Variants in CFAP221 observed in about 807,000 individuals in gnomAD.
CFAP221 encodes cilia- and flagella-associated protein 221.
In CFAP221, 97 loss-of-function variants were observed where a neutral mutation model predicts 113.1. That is an observed-to-expected ratio of 0.86 (90% CI 0.73 to 1.02). The LOEUF (loss-of-function observed/expected upper bound fraction) is 1.02. Ranked by LOEUF, CFAP221 falls within the 50% of genes least tolerant of loss-of-function variation. CFAP221 has a pLI of 0.00. For synonymous variants in CFAP221, 331 were observed against 354.4 expected (o/e 0.93, Z 0.74); for missense variants, 1,025 against 1,013.4 (o/e 1.01, Z -0.16).
chr2:119,616,931 C>T (rs1685569860), intron 14 of CFAP221, among the ~76,000 whole-genome samples: 1 of 152,242 alleles, frequency 6.6e-6, no homozygotes, highest in South Asian at 2.1e-4. Flanking sequence ...CAGGGCCACA[C>T]TTGAAGCCAG....
chr2:119,657,160 G>T (rs1317644752), downstream of CFAP221, among the ~76,000 whole-genome samples: 1 of 152,040 alleles, frequency 6.6e-6, no homozygotes, highest in Non-Finnish European at 1.5e-5. Flanking sequence ...ATGACATTTG[G>T]GTTGTGTTAT....
intron 13 of CFAP221, among the ~76,000 whole-genome samples, chr2:119,615,165 A>G (rs1685439622): frequency 6.6e-6 from 1 of 152,194 alleles, no homozygotes; most frequent in Non-Finnish European, 1.5e-5. Flanking sequence ...TTACTAACTT[A>G]GATACACTGG....
intron 11 of CFAP221, among the ~76,000 whole-genome samples, chr2:119,605,614 C>T (rs1684686618): frequency 6.6e-6 from 1 of 152,194 alleles, no homozygotes; most frequent in South Asian, 2.1e-4. Context: ...TCATCCTCCA[C>T]CTCACCAGGA....
intron 7 of CFAP221, 35 bp from the exon 8 acceptor site, chr2:119,601,183 G>A (rs1684340020): frequency 2.0e-6 from 3 of 1,484,510 alleles, no homozygotes; most frequent in African/African-American, 1.4e-5. Flanking sequence ...GGCAAGAAGA[G>A]AGGGTATCAC....
Position 119,630,627 on chromosome 2 carries a change from A to G in CFAP221, c.1789A>G (p.Thr597Ala). 3 of 1,614,096 alleles carry G rather than the reference A, an allele frequency of 1.9e-6. No homozygotes were observed. The highest frequency in any genetic ancestry group is 1.1e-5 in the South Asian group (1 of 91,082). ...YQPFSVHKSS[T>A]SYRPQKLARA... ...GCCATTCTCTGTCCACAAGTCTTCA[A>G]CAAGTTACAGACCTCAAAAGCTTGC... Residue 597 changes from threonine to alanine, a missense_variant, in exon 18 of 24, where the codon ACA becomes GCA. Physicochemically the swap from Thr to Ala is moderately conservative, Grantham distance 58. Coordinates refer to ENST00000413369, the MANE Select transcript of CFAP221 (RefSeq NM_001271049.2).
At chr2:119,616,492 G>A (rs7582651) in intron 14 of CFAP221, among the ~76,000 whole-genome samples, 148,892 of 152,302 alleles carry the variant, frequency 0.98, 72,883 homozygotes, top group Non-Finnish European at 1. Context: ...GCCTTTCAGA[G>A]TTGCCATCTC....
At chr2:119,606,298 G>C (rs1684758010) in intron 11 of CFAP221, among the ~76,000 whole-genome samples, 1 of 151,866 alleles carries the variant, frequency 6.6e-6, no homozygotes, top group African/African-American at 2.4e-5. Flanking sequence ...CCATGCCTGA[G>C]CTAAAGTAAA....
intron 7 of CFAP221, among the ~76,000 whole-genome samples, chr2:119,597,305 G>A (rs1182096754): frequency 2.0e-5 from 3 of 152,196 alleles, no homozygotes; most frequent in Admixed American, 6.5e-5. Flanking sequence ...GGTCTGTGTG[G>A]TCCTGGGGCC....
intron 6 of CFAP221, among the ~76,000 whole-genome samples, chr2:119,576,243 C>T (rs1394946207): frequency 2.0e-5 from 3 of 152,098 alleles, no homozygotes; most frequent in Non-Finnish European, 4.4e-5. Flanking sequence ...ATATTTGTTA[C>T]ACAGGTAAAC....
At position 119,601,232 on chromosome 2, in the gene CFAP221, A is replaced by T; in HGVS notation, c.646A>T (p.Asn216Tyr). Residue 216 changes from asparagine to tyrosine, a missense_variant, in exon 8 of 24, where the codon AAT becomes TAT. Physicochemically the swap from Asn to Tyr is moderately radical, Grantham distance 143. Transcript: ENST00000413369. Reference sequence around the variant, plus strand: ...TTTCCTCTCAGGAATAATTCCGGCTAATGGGAAGATGACTGTGACTATTAA... The same window carrying T: ...TTTCCTCTCAGGAATAATTCCGGCTTATGGGAAGATGACTGTGACTATTAA... ...IEPTSGIIPA[N>Y]GKMTVTIKFT... The T allele has an allele frequency of 6.6e-7, 1 of 1,525,060 alleles. No individual in the cohort carries two copies. 94.5% of individuals were successfully genotyped at this position (1,525,060 alleles called of 1,614,324 possible).
intron 14 of CFAP221, among the ~76,000 whole-genome samples, chr2:119,625,145 G>A (rs755739375): frequency 5.3e-5 from 8 of 152,166 alleles, no homozygotes; most frequent in Non-Finnish European, 1.0e-4. Flanking sequence ...AGCTCTGAAG[G>A]CAAAGCTCAT....
intron 3 of CFAP221, among the ~76,000 whole-genome samples, chr2:119,557,726 C>T (rs1680911564): frequency 6.6e-6 from 1 of 152,102 alleles, no homozygotes; most frequent in African/African-American, 2.4e-5. Flanking sequence ...AGAAGCCAGG[C>T]ACGGTGGCTT....
At chr2:119,617,994 T>A (rs920227122) in intron 14 of CFAP221, among the ~76,000 whole-genome samples, 2 of 152,178 alleles carry the variant, frequency 1.3e-5, no homozygotes, top group African/African-American at 4.8e-5. Context: ...TTGCATCACA[T>A]CTCACCTCTG....
chr2:119,578,378 G>A (rs151080794), intron 6 of CFAP221, among the ~76,000 whole-genome samples: 2 of 152,264 alleles, frequency 1.3e-5, no homozygotes, highest in Admixed American at 6.5e-5. Context: ...GCCCAGGCTC[G>A]GATTATTTCC....
At chr2:119,615,237 G>C (rs898853235) in intron 13 of CFAP221, among the ~76,000 whole-genome samples, 1 of 152,226 alleles carries the variant, frequency 6.6e-6, no homozygotes, top group Non-Finnish European at 1.5e-5. Flanking sequence ...ATGCAGGGCT[G>C]AGTAAAGTAG....
At chr2:119,611,602 GT>G (rs1401220775) in intron 12 of CFAP221, 50 bp from the exon 13 acceptor site, 1 of 1,501,748 alleles carries the variant, frequency 6.7e-7, no homozygotes, top group African/African-American at 1.4e-5. Flanking sequence ...AAGACAAATT[GT>G]TTTACGCATT....
intron 12 of CFAP221, among the ~76,000 whole-genome samples, chr2:119,609,689 G>C (rs1217016991): frequency 6.6e-6 from 1 of 152,134 alleles, no homozygotes; most frequent in Non-Finnish European, 1.5e-5. Flanking sequence ...AGGGGTTAAG[G>C]CTTCAATACA....
chr2:119,603,393 C>T (rs145024521), intron 8 of CFAP221, among the ~76,000 whole-genome samples: 42 of 152,220 alleles, frequency 2.8e-4, no homozygotes, highest in African/African-American at 9.4e-4. Flanking sequence ...AAACACCTCA[C>T]CCTTCACATC....
intron 6 of CFAP221, among the ~76,000 whole-genome samples, chr2:119,567,892 T>C (rs531394762): frequency 6.6e-6 from 1 of 152,370 alleles, no homozygotes; most frequent in Admixed American, 6.5e-5. Flanking sequence ...GTTTTAACCA[T>C]GTATTTTATG....
Sources: gnomAD v4.1 joint callset for allele counts (sites outside exome capture counted in the v4.1 genomes callset) on GRCh38, gnomAD v4.1.1 for gene constraint, MANE v1.5 for transcripts, NCBI Gene and HGNC (gene_info 2026-07-23, HGNC 2026-07-21) for gene names.